The following NALF1 variants were observed in gnomAD, a reference collection of about 807,000 sequenced individuals.
NALF1 encodes NALCN channel auxiliary factor 1.
NALF1 carries 3 observed loss-of-function variants against 48.4 expected under a neutral mutation model. That is an observed-to-expected ratio of 0.06 (90% CI 0.03 to 0.16). The LOEUF (loss-of-function observed/expected upper bound fraction) is 0.16, where lower values mean the gene tolerates loss of function less well. Ranked by LOEUF, NALF1 falls within the 10% of genes least tolerant of loss-of-function variation. NALF1 has a pLI of 1.00. For missense variants in NALF1, 526 were observed against 571.5 expected (o/e 0.92, Z 0.81); for synonymous variants, 262 against 245.7 (o/e 1.07, Z -0.62).
Position 107,812,107 on chromosome 13 carries a change from T to C in NALF1, c.915+53575A>G, listed in dbSNP as rs1256963722. On this transcript the variant is annotated intron_variant, in intron 1 of 2. Coordinates refer to ENST00000375915, the MANE Select transcript of NALF1 (RefSeq NM_001080396.3). ...AAACAGAATTATTAATAGCAGCATTTTAAAATTGATCAAATCTTAGTGAAG... is the reference window on the plus strand; with the variant it reads ...AAACAGAATTATTAATAGCAGCATTCTAAAATTGATCAAATCTTAGTGAAG... Among the ~76,000 whole-genome samples, 5 of 152,182 alleles carry C rather than the reference T, an allele frequency of 3.3e-5. No homozygotes were observed. The East Asian group carries it at 9.6e-4, about 29-fold the overall frequency.
chr13:107,210,816 A>G, intron 1 of NALF1, 61 bp from the exon 2 acceptor site: 1 of 1,214,478 alleles, frequency 8.2e-7, no homozygotes. Context: ...TGATAGAGGC[A>G]CTGTGAGAAG....
At chr13:107,412,237 C>A (rs1193934004) in intron 1 of NALF1, among the ~76,000 whole-genome samples, 1 of 152,158 alleles carries the variant, frequency 6.6e-6, no homozygotes, top group Non-Finnish European at 1.5e-5. Flanking sequence ...TGAAAATTTA[C>A]TTATACCAAG....
intron 1 of NALF1, among the ~76,000 whole-genome samples, chr13:107,708,721 A>ATT (rs372506478): frequency 4.6e-5 from 5 of 107,600 alleles, no homozygotes; most frequent in Non-Finnish European, 7.7e-5. Flanking sequence ...CTCTTTATTT[A>ATT]TTTTTTTTTT....
At chr13:107,744,299 G>A (rs1876720983) in intron 1 of NALF1, among the ~76,000 whole-genome samples, 1 of 152,266 alleles carries the variant, frequency 6.6e-6, no homozygotes, top group African/African-American at 2.4e-5. Flanking sequence ...AACAGATAAT[G>A]CATTTAAAGT....
chr13:107,554,941 G>A (rs1479316902), intron 1 of NALF1, among the ~76,000 whole-genome samples: 1 of 152,108 alleles, frequency 6.6e-6, no homozygotes, highest in South Asian at 2.1e-4. Context: ...TAACAACTGT[G>A]CAGAAGAGCT....
intron 1 of NALF1, among the ~76,000 whole-genome samples, chr13:107,361,689 G>C (rs767648601): frequency 6.6e-6 from 1 of 152,176 alleles, no homozygotes; most frequent in Non-Finnish European, 1.5e-5. Flanking sequence ...TATTTGTTGT[G>C]AGTCTACAAC....
At chr13:107,782,782 G>T (rs1011063866) in intron 1 of NALF1, among the ~76,000 whole-genome samples, 1 of 150,348 alleles carries the variant, frequency 6.7e-6, no homozygotes, top group Admixed American at 6.6e-5. Context: ...CTGCCCAGCC[G>T]CCCCATCTGA....
chr13:107,644,657 A>ATATATATATATATATATATATATATG (rs879682183), intron 1 of NALF1, among the ~76,000 whole-genome samples: 14 of 137,774 alleles, frequency 1.0e-4, no homozygotes, highest in East Asian at 7.0e-4. Flanking sequence ...ATATATATAT[A>ATATATATATATATATATATATATATG]TATATATATG....
intron 1 of NALF1, among the ~76,000 whole-genome samples, chr13:107,340,047 T>C (rs1327555513): frequency 2.0e-5 from 3 of 152,148 alleles, no homozygotes; most frequent in Non-Finnish European, 4.4e-5. Context: ...TAAAAACTGC[T>C]AAAATAAAGG....
intron 1 of NALF1, among the ~76,000 whole-genome samples, chr13:107,225,715 A>G (rs1347301297): frequency 6.6e-6 from 1 of 152,184 alleles, no homozygotes; most frequent in African/African-American, 2.4e-5. Context: ...ATAACAAAGT[A>G]AACTTAGCAA....
In NALF1 at chr13:107,786,526, T is replaced by C. The variant is rs1594266142; in HGVS notation, c.915+79156A>G. Among the ~76,000 whole-genome samples, 5 of 145,778 alleles carry C rather than the reference T, an allele frequency of 3.4e-5. No homozygotes were observed. In the South Asian group the frequency reaches 1.1e-3, roughly 32 times the overall value. On this transcript the variant is annotated intron_variant, in intron 1 of 2. Coordinates refer to ENST00000375915, the MANE Select transcript of NALF1 (RefSeq NM_001080396.3). ...ATCACCTGAAGTCAGAAGTCAGGAG[T>C]TTGAGACCAGCCTGCCCAACATGGC...
intron 1 of NALF1, among the ~76,000 whole-genome samples, chr13:107,541,949 A>T (rs1391255691): frequency 6.6e-6 from 1 of 152,032 alleles, no homozygotes; most frequent in Non-Finnish European, 1.5e-5. Context: ...TCAGAAAACA[A>T]GCACTGTGGA....
chr13:107,638,489 G>A (rs68028151), intron 1 of NALF1, among the ~76,000 whole-genome samples: 36,962 of 151,610 alleles, frequency 0.24, 5,090 homozygotes, highest in East Asian at 0.48. Flanking sequence ...CAGCGAATGA[G>A]GCAGAGGATG....
intron 1 of NALF1, among the ~76,000 whole-genome samples, chr13:107,712,321 G>A (rs1266431984): frequency 6.6e-6 from 1 of 152,130 alleles, no homozygotes; most frequent in Non-Finnish European, 1.5e-5. Context: ...GGCATTCCCA[G>A]AAAGGATTAC....
chr13:107,323,889 G>T (rs1445485369), intron 1 of NALF1, among the ~76,000 whole-genome samples: 1 of 152,102 alleles, frequency 6.6e-6, no homozygotes, highest in African/African-American at 2.4e-5. Flanking sequence ...GAGGCAGAAG[G>T]ATCGCTTGAC....
intron 1 of NALF1, among the ~76,000 whole-genome samples, chr13:107,455,446 C>A (rs753074997): frequency 6.6e-6 from 1 of 152,036 alleles, no homozygotes; most frequent in African/African-American, 2.4e-5. Flanking sequence ...ATCCTGTGAC[C>A]ACACCCATGT....
rs374195672 is a variant in NALF1 at position 107,503,413 on chromosome 13, C to T, written c.916-292658G>A. 1.6e-4 allele frequency among the ~76,000 whole-genome samples: 25 copies of T among 152,186 alleles called. No homozygotes were observed. The South Asian group carries it at 2.9e-3, about 18-fold the overall frequency. ...AACCACTATGAGATATTACCTCACA[C>T]GCACAAAAATGGCTCTTATAAAAAA... is the stretch of plus-strand genomic sequence containing the variant. On this transcript the variant is annotated intron_variant, in intron 1 of 2. Coordinates refer to ENST00000375915, the MANE Select transcript of NALF1 (RefSeq NM_001080396.3).
intron 2 of NALF1, among the ~76,000 whole-genome samples, chr13:107,195,986 T>G (rs1309317456): frequency 6.6e-6 from 1 of 152,168 alleles, no homozygotes; most frequent in African/African-American, 2.4e-5. Flanking sequence ...AAGAACAAGA[T>G]TATGTCCTTT....
chr13:107,748,481 C>T (rs1876844155), intron 1 of NALF1, among the ~76,000 whole-genome samples: 1 of 152,192 alleles, frequency 6.6e-6, no homozygotes, highest in Non-Finnish European at 1.5e-5. Context: ...TATAAATGAA[C>T]ACGATTATTC....
Sources: allele counts gnomAD v4.1 joint callset (sites outside exome capture counted in the v4.1 genomes callset), GRCh38; gene constraint gnomAD v4.1.1; transcripts MANE v1.5; gene names NCBI Gene and HGNC (gene_info 2026-07-23, HGNC 2026-07-21).